The following ATXN7L1 variants were observed in gnomAD, a reference collection of about 807,000 sequenced individuals.
The protein encoded by ATXN7L1 is ataxin 7 like 1.
In ATXN7L1, 15 loss-of-function variants were observed where a neutral mutation model predicts 70.8. The observed-to-expected ratio is 0.21, with a 90% CI of 0.14 to 0.33. The LOEUF (loss-of-function observed/expected upper bound fraction) is 0.33, where lower values mean the gene tolerates loss of function less well. ATXN7L1 is among the 10% of genes least tolerant of loss of function. The pLI is 1.00. For missense variants in ATXN7L1, 975 were observed against 1,097.1 expected (o/e 0.89, Z 1.57); for synonymous variants, 440 against 445.1 (o/e 0.99, Z 0.14).
chr7:105,822,375 G>A (rs1460890411), intron 2 of ATXN7L1, among the ~76,000 whole-genome samples: 1 of 152,244 alleles, frequency 6.6e-6, no homozygotes, highest in African/African-American at 2.4e-5. Context: ...CTGACTAGCT[G>A]CAGAATTTGG....
chr7:105,661,459 G>A (rs570465660), intron 4 of ATXN7L1, among the ~76,000 whole-genome samples: 1 of 152,290 alleles, frequency 6.6e-6, no homozygotes, highest in Admixed American at 6.5e-5. Flanking sequence ...GAGGAACTTT[G>A]TGAATTTTTG....
chr7:105,795,571 G>GAA (rs1491568557), intron 2 of ATXN7L1, among the ~76,000 whole-genome samples: 1 of 152,154 alleles, frequency 6.6e-6, no homozygotes, highest in Non-Finnish European at 1.5e-5. Flanking sequence ...AACAACTGGT[G>GAA]AGAGCTCAAA....
At chr7:105,838,110 T>G (rs947072653) in intron 2 of ATXN7L1, among the ~76,000 whole-genome samples, 1 of 152,190 alleles carries the variant, frequency 6.6e-6, no homozygotes. Flanking sequence ...TATGTGATCC[T>G]AGAGACCCAT....
At chr7:105,639,810 C>A (rs648018) in intron 5 of ATXN7L1, among the ~76,000 whole-genome samples, 149,649 of 152,298 alleles carry the variant, frequency 0.98, 73,573 homozygotes, top group East Asian at 1. Flanking sequence ...TTCGGCAGCA[C>A]CGCCGAACGC....
Position 105,715,714 on chromosome 7 carries a change from C to A in ATXN7L1, c.356-50426G>T, listed in dbSNP as rs560755799. Among the ~76,000 whole-genome samples the A allele has an allele frequency of 7.9e-5, 12 of 152,338 alleles. No homozygotes were observed. The East Asian group carries it at 2.3e-3, about 29-fold the overall frequency. Reference sequence around the variant, plus strand: ...TTCTCATCTCTGTGACTCAACTATACCTGGTAAAACTGTGACTAGTGGCAT... The same window carrying A: ...TTCTCATCTCTGTGACTCAACTATAACTGGTAAAACTGTGACTAGTGGCAT... On this transcript the variant is annotated intron_variant, in intron 3 of 11. Transcript: ENST00000419735.
chr7:105,761,729 G>A (rs1430904467), intron 3 of ATXN7L1, among the ~76,000 whole-genome samples: 2 of 152,160 alleles, frequency 1.3e-5, no homozygotes, highest in African/African-American at 4.8e-5. Context: ...GGGGGCAGGA[G>A]TGCAAGACCT....
intron 2 of ATXN7L1, chr7:105,820,114 C>T: frequency 8.5e-6 from 1 of 118,174 alleles, no homozygotes; most frequent in Non-Finnish European, 1.5e-5. Flanking sequence ...CCAGTAAAGA[C>T]TGTTTATTCC....
In ATXN7L1 at chr7:105,613,994, A is replaced by C. The variant is rs1793459179; in HGVS notation, c.2340T>G (p.Arg780=). 6.4e-7 allele frequency: 1 copy of C among 1,552,128 alleles called. No individual in the cohort carries two copies. The highest frequency in any genetic ancestry group is 1.2e-5 in the South Asian group (1 of 84,072). ...CTTTGCTACTAGAACTCGAGTTCTT[A>C]CGCTTTTTTCCTTCTGATTTGTCAA... The part of the protein sequence containing the change: ...LSFDKSEGKK[R]KNSSSSSKAC... Residue 780 remains arginine, a synonymous_variant, in exon 10 of 12, where the codon CGT becomes CGG. Coordinates refer to ENST00000419735, the MANE Select transcript of ATXN7L1 (RefSeq NM_020725.2).
chr7:105,875,954 G>A (rs1236332585), intron 1 of ATXN7L1, 74 bp from the exon 2 acceptor site: 4 of 1,293,944 alleles, frequency 3.1e-6, no homozygotes, highest in Non-Finnish European at 1.1e-6. Flanking sequence ...CAAGGGGGGA[G>A]GGAGAGTGTT....
At chr7:105,756,967 C>T (rs1467309770) in intron 3 of ATXN7L1, among the ~76,000 whole-genome samples, 1 of 151,964 alleles carries the variant, frequency 6.6e-6, no homozygotes, top group Non-Finnish European at 1.5e-5. Flanking sequence ...ATACCTGTTT[C>T]GATTTGCAGA....
In ATXN7L1 at chr7:105,718,329, C is replaced by T. The variant is rs182551139; in HGVS notation, c.356-53041G>A. ...GGGTATTTTGCAGAATTGGAGCCAGCAAGTAAGCAGTCCGAATTCCGAGTT... is the reference window on the plus strand; with the variant it reads ...GGGTATTTTGCAGAATTGGAGCCAGTAAGTAAGCAGTCCGAATTCCGAGTT... On this transcript the variant is annotated intron_variant, in intron 3 of 11. Transcript: ENST00000419735. Among the ~76,000 whole-genome samples the T allele has an allele frequency of 1.2e-3, 190 of 152,290 alleles. 1 individual carries two copies. Among genetic ancestry groups the T allele is most frequent in the African/African-American group, 4.4e-3 (183 of 41,544 alleles).
chr7:105,620,769 C>T (rs972661586), intron 8 of ATXN7L1, among the ~76,000 whole-genome samples: 2 of 151,976 alleles, frequency 1.3e-5, no homozygotes, highest in Admixed American at 1.3e-4. Flanking sequence ...GTGGCACGTG[C>T]CTGGGATCCC....
chr7:105,827,967 C>T (rs902285363), intron 2 of ATXN7L1, among the ~76,000 whole-genome samples: 1 of 152,118 alleles, frequency 6.6e-6, no homozygotes, highest in Non-Finnish European at 1.5e-5. Context: ...TCAGGGCAGA[C>T]TTTGATGCCA....
chr7:105,866,677 C>T (rs1347379165), intron 2 of ATXN7L1, among the ~76,000 whole-genome samples: 5 of 152,164 alleles, frequency 3.3e-5, no homozygotes, highest in South Asian at 2.1e-4. Flanking sequence ...GCTGGGAGCA[C>T]GTAATCAGCA....
intron 3 of ATXN7L1, chr7:105,761,308 G>A (rs1048362201): frequency 2.5e-6 from 4 of 1,605,628 alleles, no homozygotes; most frequent in South Asian, 1.1e-5. Flanking sequence ...CTTCCAGGAA[G>A]CCGTCTCCAG....
At chr7:105,770,564 G>C (rs967641229) in intron 3 of ATXN7L1, among the ~76,000 whole-genome samples, 3 of 152,172 alleles carry the variant, frequency 2.0e-5, no homozygotes, top group Admixed American at 1.3e-4. Flanking sequence ...CTATAAGTGT[G>C]TGCTGTGCTG....
At chr7:105,679,640 G>A (rs1246132540) in intron 3 of ATXN7L1, among the ~76,000 whole-genome samples, 2 of 152,142 alleles carry the variant, frequency 1.3e-5, no homozygotes, top group Non-Finnish European at 2.9e-5. Context: ...CCTGATCTTG[G>A]CCAAGGACAG....
chr7:105,764,038 G>C (rs1800910849), intron 3 of ATXN7L1, among the ~76,000 whole-genome samples: 1 of 151,952 alleles, frequency 6.6e-6, no homozygotes, highest in Non-Finnish European at 1.5e-5. Flanking sequence ...ATTTTTAGTA[G>C]AGATGGGGTT....
chr7:105,644,781 C>T (rs1371864667), intron 4 of ATXN7L1, among the ~76,000 whole-genome samples: 1 of 152,134 alleles, frequency 6.6e-6, no homozygotes, highest in Admixed American at 6.5e-5. Flanking sequence ...TTTAAAAAGC[C>T]ACAAGTTAAG....
Sources: gnomAD v4.1 joint callset for allele counts (sites outside exome capture counted in the v4.1 genomes callset) on GRCh38, gnomAD v4.1.1 for gene constraint, MANE v1.5 for transcripts, NCBI Gene and HGNC (gene_info 2026-07-23, HGNC 2026-07-21) for gene names.